PPP2R3A: variants seen among roughly 807,000 people sequenced by gnomAD.
PPP2R3A encodes protein phosphatase 2 regulatory subunit B''alpha, also known as serine/threonine-protein phosphatase 2A regulatory subunit B'' subunit alpha.
In PPP2R3A, 80 loss-of-function variants were observed where a neutral mutation model predicts 106.9. The observed-to-expected ratio is 0.75, with a 90% CI of 0.62 to 0.90. The LOEUF is 0.90. PPP2R3A is among the 40% of genes least tolerant of loss of function. The probability of loss-of-function intolerance (pLI) is 0.00; values close to 1 mark genes in which losing one functional copy is unlikely to be tolerated. For synonymous variants in PPP2R3A, 483 were observed against 468.3 expected, an observed-to-expected ratio of 1.03 and a Z score of -0.41; for missense variants, 1,386 against 1,350.4, an observed-to-expected ratio of 1.03 and a Z score of -0.41.
At position 136,022,551 on chromosome 3, in the gene PPP2R3A, T is replaced by C. The variant is rs114488298; in HGVS notation, c.1996-4281T>C. On this transcript the variant is annotated intron_variant, in intron 2 of 13. Transcript: ENST00000264977. ...AGCCTGTTCTTTTTTTTATAAAATA[T>C]TAAAGAGAAAAAGCCGAAAATGTTC... Among the ~76,000 whole-genome samples, 1,179 of 152,244 alleles carry C rather than the reference T, an allele frequency of 7.7e-3. 5 individuals are homozygous for C. The highest frequency in any genetic ancestry group is 0.013 in the Non-Finnish European group (887 of 67,990).
intron 2 of PPP2R3A, among the ~76,000 whole-genome samples, chr3:136,023,851 C>G (rs1934554685): frequency 6.6e-6 from 1 of 152,048 alleles, no homozygotes; most frequent in African/African-American, 2.4e-5. Flanking sequence ...TACTTTCTTG[C>G]TTAAAACCTA....
intron 5 of PPP2R3A, among the ~76,000 whole-genome samples, chr3:136,057,797 A>G (rs1241586294): frequency 2.0e-5 from 3 of 152,296 alleles, no homozygotes; most frequent in African/African-American, 7.2e-5. Context: ...ACGAAAGATA[A>G]CAAGTGTTGG....
chr3:135,987,732 C>T (rs907650793), intron 1 of PPP2R3A, among the ~76,000 whole-genome samples: 7 of 113,998 alleles, frequency 6.1e-5, no homozygotes, highest in Non-Finnish European at 1.2e-4. Context: ...TTCAATTCGC[C>T]ATACTCTAGA....
intron 13 of PPP2R3A, among the ~76,000 whole-genome samples, chr3:136,140,209 G>C (rs180716506): frequency 4.6e-5 from 7 of 151,948 alleles, no homozygotes; most frequent in Non-Finnish European, 8.8e-5. Context: ...CATGCAGAAG[G>C]AGTCAGTTAA....
chr3:136,019,612 A>G (rs1356981817), intron 2 of PPP2R3A, among the ~76,000 whole-genome samples: 1 of 152,192 alleles, frequency 6.6e-6, no homozygotes, highest in Non-Finnish European at 1.5e-5. Context: ...GAACTCCTTG[A>G]AACTAACTCG....
At chr3:135,972,814 G>A (rs887728138) in intron 1 of PPP2R3A, among the ~76,000 whole-genome samples, 1 of 152,136 alleles carries the variant, frequency 6.6e-6, no homozygotes, top group African/African-American at 2.4e-5. Context: ...TGGTTGTTGA[G>A]TTTAAGAGTT....
At chr3:135,990,188 A>T (rs918402544) in intron 1 of PPP2R3A, among the ~76,000 whole-genome samples, 2 of 152,100 alleles carry the variant, frequency 1.3e-5, no homozygotes, top group Non-Finnish European at 2.9e-5. Context: ...ATTCTTTGGG[A>T]TTCTTATCTT....
Position 136,001,600 on chromosome 3 carries a change from C to T in PPP2R3A, c.102C>T (p.Thr34=), listed in dbSNP as rs745965855. ...AAGCTATACATTATTGCACTGGAACCTGCCACACCTTCACACATGGAATTG... is the reference window on the plus strand; with the variant it reads ...AAGCTATACATTATTGCACTGGAACTTGCCACACCTTCACACATGGAATTG... ...FEQAIHYCTG[T]CHTFTHGIDC... The change falls in exon 2 of 14, where the codon ACC becomes ACT. Residue 34 remains threonine (T), a synonymous_variant. Coordinates refer to ENST00000264977, the MANE Select transcript of PPP2R3A (RefSeq NM_002718.5). The T allele has an allele frequency of 4.3e-6, 7 of 1,614,074 alleles. No homozygotes were observed. The highest frequency in any genetic ancestry group is 5.9e-6 in the Non-Finnish European group (7 of 1,180,032).
chr3:136,028,489 C>T (rs1265653139), intron 3 of PPP2R3A, among the ~76,000 whole-genome samples: 1 of 152,202 alleles, frequency 6.6e-6, no homozygotes, highest in African/African-American at 2.4e-5. Flanking sequence ...AAGTACTTAC[C>T]TGAAGTCACA....
chr3:136,027,293 A>G (rs1027345344), intron 3 of PPP2R3A, among the ~76,000 whole-genome samples, 195 bp downstream of exon 3: 1 of 152,098 alleles, frequency 6.6e-6, no homozygotes, highest in Non-Finnish European at 1.5e-5. Flanking sequence ...ATCCCTTCCA[A>G]GACATCACCA....
chr3:136,024,745 A>G (rs1219474652), intron 2 of PPP2R3A, among the ~76,000 whole-genome samples: 1 of 152,164 alleles, frequency 6.6e-6, no homozygotes, highest in East Asian at 1.9e-4. Flanking sequence ...AACATTGGTG[A>G]TTGTACACCT....
intron 2 of PPP2R3A, among the ~76,000 whole-genome samples, chr3:136,007,995 G>A (rs1933906441): frequency 7.0e-6 from 1 of 142,284 alleles, no homozygotes; most frequent in Non-Finnish European, 1.6e-5. Context: ...TCATTCCAGA[G>A]GAAATAAAGA....
At chr3:136,128,293 G>A (rs1179972433) in intron 13 of PPP2R3A, among the ~76,000 whole-genome samples, 1 of 151,568 alleles carries the variant, frequency 6.6e-6, no homozygotes, top group Non-Finnish European at 1.5e-5. Context: ...GACACACATA[G>A]GCTCAAAATA....
chr3:135,994,428 G>C (rs1257293044), intron 1 of PPP2R3A, among the ~76,000 whole-genome samples: 1 of 152,100 alleles, frequency 6.6e-6, no homozygotes, highest in Non-Finnish European at 1.5e-5. Context: ...CTTGTGGAGT[G>C]GGGGTATGGA....
intron 3 of PPP2R3A, among the ~76,000 whole-genome samples, chr3:136,035,337 G>T (rs1382213802): frequency 6.6e-6 from 1 of 152,076 alleles, no homozygotes; most frequent in Non-Finnish European, 1.5e-5. Flanking sequence ...TGGGATTTAT[G>T]CTTTAAAGAG....
Position 136,003,567 on chromosome 3 carries a change from A to C in PPP2R3A, c.1995+74A>C, listed in dbSNP as rs371828589. On this transcript the variant is annotated intron_variant, in intron 2 of 13. Transcript: ENST00000264977. ...GTGTTTGAAAATTTTATAAAGAAAAACTTTTTTGTTAGCCATTTTTTGTTC... is the reference window on the plus strand; with the variant it reads ...GTGTTTGAAAATTTTATAAAGAAAACCTTTTTTGTTAGCCATTTTTTGTTC... 22 of 1,402,792 alleles carry C rather than the reference A, an allele frequency of 1.6e-5. No individual in the cohort carries two copies. The East Asian group carries it at 2.1e-4, about 14-fold the overall frequency. The allele number at this position is 1,402,792 out of a possible 1,614,324, so 86.9% of individuals were successfully genotyped here.
At chr3:136,088,121 G>A (rs1937003699) in intron 9 of PPP2R3A, among the ~76,000 whole-genome samples, 190 bp downstream of exon 9, 1 of 152,102 alleles carries the variant, frequency 6.6e-6, no homozygotes, top group African/African-American at 2.4e-5. Flanking sequence ...TTCTGATTCA[G>A]GGGGTACACG....
In PPP2R3A at chr3:136,026,841, A is replaced by G; in HGVS notation, c.2005A>G (p.Lys669Glu). 6.2e-7 allele frequency: 1 copy of G among 1,601,708 alleles called. No individual in the cohort carries two copies. The highest frequency in any genetic ancestry group is 1.1e-5 in the South Asian group (1 of 88,342). ...CTTATTTTTCTTTTAGATTCAAAAT[A>G]AACCAGAAAAGAAACCTGGAACACC... The part of the protein sequence containing the change: ...QTPEVIKIQN[K>E]PEKKPGTPLP... Residue 669 changes from lysine (K) to glutamate (E), a missense_variant, in exon 3 of 14, where the codon AAA (lysine) becomes GAA (glutamate). Physicochemically the swap from Lys to Glu is moderately conservative, Grantham distance 56. Transcript: ENST00000264977.
intron 1 of PPP2R3A, among the ~76,000 whole-genome samples, chr3:135,998,079 G>A (rs1559858844): frequency 1.3e-5 from 2 of 152,204 alleles, no homozygotes; most frequent in Non-Finnish European, 2.9e-5. Flanking sequence ...TGCTGCTGCT[G>A]CTGCTCTGTT....
Sources: gnomAD v4.1 joint callset for allele counts (sites outside exome capture counted in the v4.1 genomes callset) on GRCh38, gnomAD v4.1.1 for gene constraint, MANE v1.5 for transcripts, NCBI Gene and HGNC (gene_info 2026-07-23, HGNC 2026-07-21) for gene names.